CDK6: variants seen among roughly 807,000 people sequenced by gnomAD.
CDK6 encodes cyclin dependent kinase 6.
Under a neutral mutation model 37.1 loss-of-function variants are expected in CDK6, and 6 were observed. The observed-to-expected ratio is 0.16, with a 90% CI of 0.09 to 0.32. The LOEUF is 0.32. CDK6 is among the 10% of genes least tolerant of loss of function. The pLI, the probability that CDK6 is intolerant of heterozygous loss-of-function variation, is 1.00. For missense variants in CDK6, 224 were observed against 418.9 expected (o/e 0.53, Z 4.06); for synonymous variants, 160 against 161.3 (o/e 0.99, Z 0.06).
chr7:92,625,219 AACACACACACACACACACACAC>A (rs71699291), intron 5 of CDK6, among the ~76,000 whole-genome samples: 1 of 141,888 alleles, frequency 7.0e-6, no homozygotes, highest in Admixed American at 7.1e-5. Flanking sequence ...GTGGTAACTA[AACACACACACACACACACACAC>A]ACACACACAC....
At chr7:92,659,635 C>CCA (rs60702803) in intron 5 of CDK6, among the ~76,000 whole-genome samples, 69 of 147,476 alleles carry the variant, frequency 4.7e-4, no homozygotes, top group Middle Eastern at 3.4e-3. Context: ...CACACACACA[C>CCA]CACACACACA....
At chr7:92,710,822 C>A in intron 4 of CDK6, 1 of 985,414 alleles carries the variant, frequency 1.0e-6, no homozygotes, top group Non-Finnish European at 1.2e-6. Context: ...GAGACCCGGG[C>A]AGACGGATGA....
At chr7:92,808,080 C>T (rs1800774219) in intron 2 of CDK6, among the ~76,000 whole-genome samples, 1 of 152,100 alleles carries the variant, frequency 6.6e-6, no homozygotes, top group South Asian at 2.1e-4. Flanking sequence ...GATGACTCCC[C>T]TGTAAATTAA....
rs540354576 is a variant in CDK6, at chr7:92,710,716, C to G, written c.537+14910G>C. On this transcript the variant is annotated intron_variant, in intron 4 of 7. Coordinates refer to ENST00000424848, the MANE Select transcript of CDK6 (RefSeq NM_001145306.2). ...GCAGAATTGCCTAGGAAAGGAGAAG[C>G]TGATGAGTGATCTTTTTGTTATGAT... 8 of 985,368 alleles carry G rather than the reference C, an allele frequency of 8.1e-6. No homozygotes were observed. The African/African-American group carries it at 1.4e-4, about 17-fold the overall frequency. 61.0% of individuals were successfully genotyped at this position (985,368 alleles called of 1,614,324 possible). A position where few individuals can be genotyped will look rare whatever the true frequency, so the allele number is the denominator to read the frequency against.
At chr7:92,670,800 TCC>T (rs1797056032) in intron 5 of CDK6, among the ~76,000 whole-genome samples, 1 of 152,182 alleles carries the variant, frequency 6.6e-6, no homozygotes, top group Admixed American at 6.5e-5. Flanking sequence ...CAAACCCCAA[TCC>T]ACTCTTCAGA....
intron 5 of CDK6, among the ~76,000 whole-genome samples, chr7:92,651,464 AAAG>A (rs942062615): frequency 1.3e-5 from 2 of 152,180 alleles, no homozygotes; most frequent in African/African-American, 4.8e-5. Flanking sequence ...AACAAAACCA[AAAG>A]AAGAATTTCA....
intron 4 of CDK6, among the ~76,000 whole-genome samples, chr7:92,695,281 A>G (rs1208984075): frequency 6.7e-6 from 1 of 150,044 alleles, no homozygotes; most frequent in African/African-American, 2.5e-5. Flanking sequence ...TAAAAAAAAA[A>G]AAAAGAAAGA....
At chr7:92,729,347 G>T (rs1385799576) in intron 3 of CDK6, among the ~76,000 whole-genome samples, 1 of 152,104 alleles carries the variant, frequency 6.6e-6, no homozygotes, top group African/African-American at 2.4e-5. Flanking sequence ...ACCAATTAAG[G>T]CTCTTTCAGT....
intron 5 of CDK6, among the ~76,000 whole-genome samples, chr7:92,634,388 T>G (rs951518081): frequency 2.0e-5 from 3 of 152,190 alleles, no homozygotes; most frequent in Admixed American, 2.0e-4. Context: ...CATTAATGTC[T>G]GTCACTTCTG....
intron 4 of CDK6, among the ~76,000 whole-genome samples, chr7:92,683,796 C>T (rs1367947482): frequency 1.3e-5 from 2 of 152,086 alleles, no homozygotes; most frequent in Non-Finnish European, 2.9e-5. Context: ...TAGGGTGTTT[C>T]ATGCTGTTCA....
At chr7:92,766,271 AT>A (rs1562959337) in intron 3 of CDK6, among the ~76,000 whole-genome samples, 1 of 152,198 alleles carries the variant, frequency 6.6e-6, no homozygotes, top group Non-Finnish European at 1.5e-5. Context: ...AACTAGAACT[AT>A]AGCAATGAAG....
chr7:92,766,325 C>T (rs1164022400), intron 3 of CDK6, among the ~76,000 whole-genome samples: 1 of 152,064 alleles, frequency 6.6e-6, no homozygotes, highest in Non-Finnish European at 1.5e-5. Context: ...TTGGGGATAA[C>T]ACCAAAAGCA....
intron 4 of CDK6, among the ~76,000 whole-genome samples, chr7:92,690,375 A>G (rs1585402150): frequency 6.6e-6 from 1 of 152,286 alleles, no homozygotes; most frequent in East Asian, 1.9e-4. Flanking sequence ...TTGAATAGGG[A>G]ATCCTTTCCT....
intron 4 of CDK6, among the ~76,000 whole-genome samples, chr7:92,710,270 G>C (rs1262107783): frequency 6.6e-6 from 1 of 152,168 alleles, no homozygotes; most frequent in Non-Finnish European, 1.5e-5. Context: ...AGTTTGAAAA[G>C]AGCTTTTGGA....
chr7:92,661,175 A>C (rs1292919748), intron 5 of CDK6, among the ~76,000 whole-genome samples: 1 of 152,206 alleles, frequency 6.6e-6, no homozygotes, highest in African/African-American at 2.4e-5. Context: ...GGTCACCATC[A>C]ACCTCTAATA....
chr7:92,777,591 A>G (rs1799883378), intron 2 of CDK6, among the ~76,000 whole-genome samples: 1 of 152,012 alleles, frequency 6.6e-6, no homozygotes, highest in Non-Finnish European at 1.5e-5. Context: ...ATTGGTCTAT[A>G]TATTTGTTTT....
chr7:92,764,477 C>T (rs907991507), intron 3 of CDK6, among the ~76,000 whole-genome samples: 1 of 152,160 alleles, frequency 6.6e-6, no homozygotes, highest in Non-Finnish European at 1.5e-5. Flanking sequence ...CTCTTTTACT[C>T]CCTAAACTCC....
At chr7:92,669,690 A>T (rs1042800397) in intron 5 of CDK6, among the ~76,000 whole-genome samples, 2 of 152,258 alleles carry the variant, frequency 1.3e-5, no homozygotes, top group Non-Finnish European at 2.9e-5. Context: ...GGATGAAAAG[A>T]ATCGCTGAAG....
In CDK6 at chr7:92,784,386, A is replaced by G. The variant is rs184693380; in HGVS notation, c.234-9555T>C. Among the ~76,000 whole-genome samples, 20 of 152,366 alleles carry G rather than the reference A, an allele frequency of 1.3e-4. No homozygotes were observed. The East Asian group carries it at 3.9e-3, about 29-fold the overall frequency. On this transcript the variant is annotated intron_variant, in intron 2 of 7. Coordinates refer to ENST00000424848, the MANE Select transcript of CDK6 (RefSeq NM_001145306.2). Reference sequence around the variant, plus strand: ...ACTCTACAAAAAGAAGCGACCTGCCAATGGAGAAAATTAGGAACTATTAGG... The same window carrying G: ...ACTCTACAAAAAGAAGCGACCTGCCGATGGAGAAAATTAGGAACTATTAGG...
Sources: gnomAD v4.1 joint callset for allele counts (sites outside exome capture counted in the v4.1 genomes callset) on GRCh38, gnomAD v4.1.1 for gene constraint, MANE v1.5 for transcripts, NCBI Gene and HGNC (gene_info 2026-07-23, HGNC 2026-07-21) for gene names.